HOOK3: variants seen among roughly 807,000 people sequenced by gnomAD.
HOOK3 encodes the protein protein Hook homolog 3.
A neutral mutation model predicts 116.3 loss-of-function variants in HOOK3; 24 were observed. The observed-to-expected ratio is 0.21, with a 90% CI of 0.15 to 0.29. HOOK3 has a LOEUF of 0.29. Among genes scored for constraint, HOOK3 ranks in the 10% least tolerant of loss-of-function variants. The pLI, the probability that HOOK3 is intolerant of heterozygous loss-of-function variation, is 1.00. For synonymous variants in HOOK3, 275 were observed against 283.0 expected (o/e 0.97, Z 0.28); for missense variants, 632 against 830.2 (o/e 0.76, Z 2.93).
chr8:42,926,566 A>G (rs1408988381), intron 3 of HOOK3, among the ~76,000 whole-genome samples: 1 of 152,174 alleles, frequency 6.6e-6, no homozygotes. Context: ...AATTACAAGC[A>G]TCAGCCATCA....
intron 4 of HOOK3, among the ~76,000 whole-genome samples, chr8:42,938,879 G>A (rs930979709): frequency 3.3e-5 from 5 of 152,082 alleles, no homozygotes; most frequent in Non-Finnish European, 5.9e-5. Flanking sequence ...CGCAGTGTTT[G>A]TGTCCCTGGG....
chr8:43,000,057 G>A (rs1809350679), intron 16 of HOOK3, among the ~76,000 whole-genome samples: 1 of 152,128 alleles, frequency 6.6e-6, no homozygotes, highest in African/African-American at 2.4e-5. Context: ...CTGAGGCAGG[G>A]GAATGGCATG....
intron 5 of HOOK3, among the ~76,000 whole-genome samples, chr8:42,943,934 GT>G (rs1808176067): frequency 6.6e-6 from 1 of 152,134 alleles, no homozygotes; most frequent in Non-Finnish European, 1.5e-5. Context: ...TATATGCAAT[GT>G]TTAAATAATA....
chr8:43,011,392 G>C (rs1041307313), intron 19 of HOOK3, among the ~76,000 whole-genome samples: 1 of 152,064 alleles, frequency 6.6e-6, no homozygotes, highest in Non-Finnish European at 1.5e-5. Flanking sequence ...TATGCATTAT[G>C]AGGCCTGAAT....
At chr8:42,955,132 C>G (rs1351433759) in intron 6 of HOOK3, among the ~76,000 whole-genome samples, 2 of 152,188 alleles carry the variant, frequency 1.3e-5, no homozygotes, top group Non-Finnish European at 2.9e-5. Context: ...ATACAGTTGA[C>G]CCTTAAACAA....
At chr8:42,902,605 C>G (rs1807213932) in intron 1 of HOOK3, among the ~76,000 whole-genome samples, 1 of 152,106 alleles carries the variant, frequency 6.6e-6, no homozygotes. Flanking sequence ...CCAGATGATT[C>G]CCCTACACAC....
chr8:42,928,733 A>G (rs1807817848), intron 3 of HOOK3, among the ~76,000 whole-genome samples: 1 of 152,118 alleles, frequency 6.6e-6, no homozygotes, highest in Non-Finnish European at 1.5e-5. Context: ...CAGTTTTATG[A>G]TGCCATTGAT....
At chr8:42,970,573 T>C (rs1309295541) in intron 11 of HOOK3, among the ~76,000 whole-genome samples, 1 of 152,190 alleles carries the variant, frequency 6.6e-6, no homozygotes, top group African/African-American at 2.4e-5. Flanking sequence ...TATTTCATTG[T>C]AGTTACTGTT....
chr8:42,982,551 CA>C (rs1385595231), intron 13 of HOOK3, 75 bp from the exon 14 acceptor site: 2 of 968,206 alleles, frequency 2.1e-6, no homozygotes. Context: ...AATTAATGCT[CA>C]AAGTAGGGTT....
In HOOK3 at chr8:43,015,657, C is replaced by T. The variant is rs372652643; in HGVS notation, c.2016+2257C>T. Among the ~76,000 whole-genome samples, 11 of 152,324 alleles carry T rather than the reference C, an allele frequency of 7.2e-5. No individual in the cohort carries two copies. The East Asian group carries it at 1.9e-3, about 27-fold the overall frequency. ...ACTATTCTGTCTCTTCCCTGTCCTC[C>T]TGGAAGCTTAGTGTTAGCAATCTAG... On this transcript the variant is annotated intron_variant, in intron 21 of 21. Coordinates refer to ENST00000307602, the MANE Select transcript of HOOK3 (RefSeq NM_032410.4).
At chr8:42,972,233 G>T (rs930748453) in intron 11 of HOOK3, among the ~76,000 whole-genome samples, 9 of 152,026 alleles carry the variant, frequency 5.9e-5, no homozygotes, top group Non-Finnish European at 1.3e-4. Context: ...TTGAGGTTTT[G>T]TTTCTGTGGT....
intron 21 of HOOK3, among the ~76,000 whole-genome samples, chr8:43,018,096 T>G (rs552306288): frequency 2.0e-5 from 3 of 152,346 alleles, no homozygotes; most frequent in African/African-American, 7.2e-5. Flanking sequence ...TGATTGAGTA[T>G]GGGTAAAGTC....
chr8:42,982,346 T>A (rs531163421), intron 13 of HOOK3, among the ~76,000 whole-genome samples: 3 of 151,266 alleles, frequency 2.0e-5, no homozygotes, highest in Admixed American at 6.6e-5. Flanking sequence ...GGGAATTGGT[T>A]ACAGAGTTTG....
chr8:42,936,024 C>T (rs1417057374), intron 4 of HOOK3, among the ~76,000 whole-genome samples: 1 of 152,182 alleles, frequency 6.6e-6, no homozygotes, highest in Non-Finnish European at 1.5e-5. Flanking sequence ...TATCCATGAG[C>T]ATGGAATATT....
intron 5 of HOOK3, 46 bp downstream of exon 5, chr8:42,943,491 A>ACGAC: frequency 7.8e-7 from 1 of 1,282,532 alleles, no homozygotes. Flanking sequence ...AATGAAGGAA[A>ACGAC]GTAGTGTATA....
rs1164136399 is a variant in HOOK3 at position 42,903,338 on chromosome 8, C to CTTTT, written c.58-2814_58-2811dup. ...TACTGACTGTACTGTTAATAGTTGT[C>CTTTT]TTTTTTTTTTTTTTTTTTTTTTTTG... On this transcript the variant is annotated intron_variant, in intron 1 of 21. Coordinates refer to ENST00000307602, the MANE Select transcript of HOOK3 (RefSeq NM_032410.4). 1.6e-3 allele frequency among the ~76,000 whole-genome samples: 142 copies of CTTTT among 87,598 alleles called. 1 individual carries two copies. The highest frequency in any genetic ancestry group is 2.3e-3 in the East Asian group (7 of 3,072). 57.5% of individuals were successfully genotyped at this position (87,598 alleles called of 152,430 possible). A position where few individuals can be genotyped will look rare whatever the true frequency, so the allele number is the denominator to read the frequency against.
At chr8:42,969,451 C>T (rs1036408863) in intron 11 of HOOK3, among the ~76,000 whole-genome samples, 1 of 152,130 alleles carries the variant, frequency 6.6e-6, no homozygotes, top group Non-Finnish European at 1.5e-5. Context: ...CATAGCAAGA[C>T]CCCATCTCTA....
chr8:43,021,218 T>TA lies in HOOK3; in HGVS notation c.*2722dup, dbSNP rs1291808468. 5.2e-6 allele frequency: 1 copy of TA among 192,546 alleles called. No individual in the cohort carries two copies. The highest frequency in any genetic ancestry group is 1.1e-5 in the Non-Finnish European group (1 of 92,692). The allele number at this position is 192,546 out of a possible 1,614,324, so 11.9% of individuals were successfully genotyped here. On this transcript the variant is annotated 3_prime_UTR_variant, in exon 22 of 22. Transcript: ENST00000307602. ...CATTTTCTATTTACAGCCCCAGTCCTAATCTCCTACCCATCCACCTACCCA... is the reference window on the plus strand; with the variant it reads ...CATTTTCTATTTACAGCCCCAGTCCTAAATCTCCTACCCATCCACCTACCCA...
rs548654198 is a variant in HOOK3, at chr8:42,931,086, G to A, written c.267+914G>A. Among the ~76,000 whole-genome samples, 117 of 152,170 alleles carry A rather than the reference G, an allele frequency of 7.7e-4. 1 individual carries two copies. Among genetic ancestry groups the A allele is most frequent in the African/African-American group, 2.6e-3 (107 of 41,508 alleles). On this transcript the variant is annotated intron_variant, in intron 4 of 21. Transcript: ENST00000307602. ...GAACGACTTCCTAACTACTTTTCCC[G>A]CACCTAAGGCACTGGAGCCACATTC...
Sources: gnomAD v4.1 joint callset for allele counts (sites outside exome capture counted in the v4.1 genomes callset) on GRCh38, gnomAD v4.1.1 for gene constraint, MANE v1.5 for transcripts, NCBI Gene and HGNC (gene_info 2026-07-23, HGNC 2026-07-21) for gene names.